Variants in CP observed in about 807,000 individuals in gnomAD.
CP encodes the protein caeruloplasmin.
A neutral mutation model predicts 122.4 loss-of-function variants in CP; 64 were observed. That is an observed-to-expected ratio of 0.52 (90% CI 0.43 to 0.64). The LOEUF (loss-of-function observed/expected upper bound fraction) is 0.64. CP is among the 30% of genes least tolerant of loss of function. The pLI is 0.00. For synonymous variants in CP, 440 were observed against 436.4 expected (o/e 1.01, Z -0.10); for missense variants, 1,167 against 1,284.4 (o/e 0.91, Z 1.40).
At chr3:149,171,576 A>G (rs185893439), downstream of CP, among the ~76,000 whole-genome samples, 11 of 152,352 alleles carry the variant, frequency 7.2e-5, no homozygotes, top group Admixed American at 4.6e-4. Context: ...TGTGGCTGAT[A>G]TAAAATAACC....
chr3:149,186,245 A>C (rs186722749), intron 11 of CP: 57 of 482,988 alleles, frequency 1.2e-4, no homozygotes, highest in African/African-American at 7.6e-4. Context: ...TAAAAGGACC[A>C]TAATCTAAAA....
At chr3:149,201,394 T>C (rs533126017) in intron 7 of CP, among the ~76,000 whole-genome samples, 28 of 152,188 alleles carry the variant, frequency 1.8e-4, no homozygotes, top group African/African-American at 5.8e-4. Context: ...GTGCTGAGAT[T>C]ACAGGCGTGA....
rs1318691351 is a variant in CP, at chr3:149,173,565, T to C, written c.*149A>G. On this transcript the variant is annotated 3_prime_UTR_variant, in exon 19 of 19. Transcript: ENST00000264613. ...TCCATTTGCAAAAAATTAATAGTTT[T>C]CCCCCACAAATGTACAAAGTTGTAT... is the stretch of plus-strand genomic sequence containing the variant. The C allele has an allele frequency of 1.8e-6, 1 of 563,610 alleles. No homozygotes were observed. Among genetic ancestry groups the C allele is most frequent in the African/African-American group, 1.9e-5 (1 of 52,192 alleles). 34.9% of individuals were successfully genotyped at this position (563,610 alleles called of 1,614,324 possible).
intron 4 of CP, 126 bp from the exon 5 acceptor site, chr3:149,207,743 C>T: frequency 1.1e-6 from 1 of 914,824 alleles, no homozygotes; most frequent in South Asian, 1.4e-5. Flanking sequence ...TATTCTTGCC[C>T]CCTATACTCA....
downstream of CP, among the ~76,000 whole-genome samples, chr3:149,168,648 G>A (rs1460587512): frequency 2.0e-5 from 3 of 152,138 alleles, no homozygotes; most frequent in African/African-American, 7.2e-5. Flanking sequence ...GGCCGAGTCA[G>A]TGGCCACTGG....
chr3:149,194,487 C>T (rs1012975420), intron 9 of CP, among the ~76,000 whole-genome samples: 10 of 152,168 alleles, frequency 6.6e-5, no homozygotes, highest in South Asian at 4.2e-4. Flanking sequence ...GATCCACTGA[C>T]CTCAGCCTCT....
intron 12 of CP, 188 bp downstream of exon 12, chr3:149,185,051 A>C (rs189959285): frequency 6.5e-6 from 4 of 619,732 alleles, no homozygotes; most frequent in Middle Eastern, 4.4e-4. Context: ...TTTTCCCTTA[A>C]GGAAATTGAG....
At chr3:149,184,331 G>C (rs988064036) in intron 12 of CP, among the ~76,000 whole-genome samples, 1 of 152,044 alleles carries the variant, frequency 6.6e-6, no homozygotes, top group East Asian at 1.9e-4. Context: ...CACCGCGCCC[G>C]GCCAGTTTTC....
intron 13 of CP, 67 bp downstream of exon 13, chr3:149,183,399 T>C: frequency 2.6e-6 from 4 of 1,532,542 alleles, no homozygotes; most frequent in Admixed American, 1.7e-5. Context: ...TAGACATGAA[T>C]TGACGGTTAC....
chr3:149,220,786 T>C (rs1276602104), intron 1 of CP, among the ~76,000 whole-genome samples: 3 of 152,182 alleles, frequency 2.0e-5, no homozygotes, highest in Non-Finnish European at 4.4e-5. Context: ...TTATTACCAC[T>C]GAAATACATT....
intron 2 of CP, among the ~76,000 whole-genome samples, chr3:149,211,875 A>G (rs1340696533): frequency 6.6e-6 from 1 of 152,192 alleles, no homozygotes; most frequent in Non-Finnish European, 1.5e-5. Context: ...GGCTCTGGGA[A>G]AGAAGCTCCA....
In CP at chr3:149,179,711, TACACAC is replaced by T. The variant is rs71304221; in HGVS notation, c.2555-55_2555-50del. 8,608 of 607,952 alleles carry T rather than the reference TACACAC, an allele frequency of 0.014. 122 individuals carry two copies. Among genetic ancestry groups the T allele is most frequent in the African/African-American group, 0.075 (3,904 of 52,328 alleles). The allele number at this position is 607,952 out of a possible 1,614,324, so 37.7% of individuals were successfully genotyped here. A position where few individuals can be genotyped will look rare whatever the true frequency, so the allele number is the denominator to read the frequency against. On this transcript the variant is annotated intron_variant, in intron 14 of 18. Transcript: ENST00000264613. ...ATCTGGTTGTATTTGGTTTATATTG[TACACAC>T]ACACACACACACACACACACACACA...
intron 1 of CP, among the ~76,000 whole-genome samples, chr3:149,216,518 T>C (rs745928887): frequency 8.5e-5 from 13 of 152,076 alleles, no homozygotes; most frequent in Non-Finnish European, 1.9e-4. Context: ...ATCATGAGAG[T>C]GATGTCTCAT....
rs749108953 is a variant in CP, at chr3:149,186,650, G to A, written c.1947C>T (p.Ala649=). The A allele has an allele frequency of 1.6e-5, 26 of 1,613,934 alleles. 1 individual carries two copies. Among genetic ancestry groups the A allele is most frequent in the South Asian group, 6.6e-5 (6 of 91,084 alleles). ...GDSVVWYLFS[A]GNEADVHGIY... ...TTCCATGTACATCGGCCTCATTTCC[G>A]GCGCTGAATAAGTACCACACGACCG... is the stretch of plus-strand genomic sequence containing the variant. Residue 649 remains alanine, a synonymous_variant, in exon 11 of 19, where the codon GCC becomes GCT. Coordinates refer to ENST00000264613, the MANE Select transcript of CP (RefSeq NM_000096.4).
chr3:149,174,964 C>T (rs1048476656), intron 18 of CP, among the ~76,000 whole-genome samples: 6 of 152,070 alleles, frequency 3.9e-5, no homozygotes, highest in Non-Finnish European at 5.9e-5. Context: ...TCTCGCCTTT[C>T]TTAACCAAGC....
rs764238637 is a variant in CP, at chr3:149,202,141, T to C, written c.1309A>G (p.Lys437Glu). 1.7e-5 allele frequency: 27 copies of C among 1,614,128 alleles called. No homozygotes were observed. Among genetic ancestry groups the C allele is most frequent in the Non-Finnish European group, 2.3e-5 (27 of 1,180,012 alleles). The change falls in exon 7 of 19, where the codon AAG (lysine) becomes GAG (glutamate). Residue 437 changes from lysine to glutamate, a missense_variant. This residue lies in a region of CP where 642 missense variants were observed against 627.3 expected (regional missense o/e 1.02). Coordinates refer to ENST00000264613, the MANE Select transcript of CP (RefSeq NM_000096.4). The stretch of plus-strand genomic sequence containing the variant: ...TGCTCTTCTTCAGGGCCTCTCTCCT[T>C]TCGATTTGTGAAGGAGGCATCTGTG... ...EYTDASFTNR[K>E]ERGPEEEHLG...
chr3:149,209,086 A>G, intron 4 of CP, 125 bp downstream of exon 4: 1 of 1,245,140 alleles, frequency 8.0e-7, no homozygotes, highest in Non-Finnish European at 1.1e-6. Flanking sequence ...TGCACATCCA[A>G]TATGCTTTGT....
intron 6 of CP, among the ~76,000 whole-genome samples, chr3:149,203,229 T>C (rs916221278): frequency 6.6e-6 from 1 of 151,984 alleles, no homozygotes; most frequent in Non-Finnish European, 1.5e-5. Flanking sequence ...CTTTATTGTG[T>C]ATTAGCACTG....
At chr3:149,210,417 T>G (rs760168348) in intron 2 of CP, 38 bp from the exon 3 acceptor site, 1 of 1,544,946 alleles carries the variant, frequency 6.5e-7, no homozygotes, top group Non-Finnish European at 9.0e-7. Context: ...AAAGTGAATG[T>G]GTTTGAACTT....
Sources: allele counts gnomAD v4.1 joint callset (sites outside exome capture counted in the v4.1 genomes callset), GRCh38; gene constraint gnomAD v4.1.1; regional missense constraint gnomAD v4.1.1; transcripts MANE v1.5; gene names NCBI Gene and HGNC (gene_info 2026-07-23, HGNC 2026-07-21).